The following EPHX2 variants were observed in gnomAD, a reference collection of about 807,000 sequenced individuals.
The protein encoded by EPHX2 is bifunctional epoxide hydrolase 2.
In EPHX2, 74 loss-of-function variants were observed where a neutral mutation model predicts 78.7. That is an observed-to-expected ratio of 0.94 (90% confidence interval 0.78 to 1.14). The LOEUF (loss-of-function observed/expected upper bound fraction) is 1.14, where lower values mean the gene tolerates loss of function less well. EPHX2 is among the 50% of genes most tolerant of loss of function. EPHX2 has a pLI of 0.00. For synonymous variants in EPHX2, 251 were observed against 255.2 expected (o/e 0.98, Z 0.16); for missense variants, 715 against 702.5 (o/e 1.02, Z -0.20).
chr8:27,539,571 G>A (rs2322722), intron 14 of EPHX2, among the ~76,000 whole-genome samples: 2 of 145,472 alleles, frequency 1.4e-5, no homozygotes, highest in African/African-American at 4.9e-5. Context: ...CCTTCACACC[G>A]TCTGTCACTC....
At chr8:27,531,176 G>A (rs1173234487) in intron 12 of EPHX2, among the ~76,000 whole-genome samples, 1 of 152,356 alleles carries the variant, frequency 6.6e-6, no homozygotes, top group African/African-American at 2.4e-5. Flanking sequence ...ATATGGAGGG[G>A]TTTGGAGTCT....
chr8:27,497,796 T>G, intron 1 of EPHX2, among the ~76,000 whole-genome samples: 1 of 152,198 alleles, frequency 6.6e-6, no homozygotes, highest in Non-Finnish European at 1.5e-5. Flanking sequence ...CATGGGCTTT[T>G]TCCTAATTCT....
chr8:27,513,189 G>C lies in EPHX2; in HGVS notation c.735+1279G>C, dbSNP rs571059402. Among the ~76,000 whole-genome samples, 21 of 152,298 alleles carry C rather than the reference G, an allele frequency of 1.4e-4. 1 individual carries two copies. The highest frequency in any genetic ancestry group is 5.1e-4 in the African/African-American group (21 of 41,548). On this transcript the variant is annotated intron_variant, in intron 6 of 18. Transcript: ENST00000521400. ...TGGAGGCAGCCACCACAAATGTAAA[G>C]TGGGCATCCAGGCACGAGTGGGTTT...
At chr8:27,527,208 C>T (rs185579307) in intron 12 of EPHX2, among the ~76,000 whole-genome samples, 6 of 152,216 alleles carry the variant, frequency 3.9e-5, no homozygotes, top group Admixed American at 1.3e-4. Flanking sequence ...CTGCCCGCCT[C>T]GGCCTCCCAA....
At chr8:27,497,037 A>G (rs897834097) in intron 1 of EPHX2, among the ~76,000 whole-genome samples, 3 of 152,232 alleles carry the variant, frequency 2.0e-5, no homozygotes, top group Non-Finnish European at 4.4e-5. Flanking sequence ...ATAGCTGGTT[A>G]CAGGCTGTCC....
At chr8:27,544,288 C>T (rs1269751981) in intron 18 of EPHX2, 44 bp downstream of exon 18, 2 of 1,609,788 alleles carry the variant, frequency 1.2e-6, no homozygotes, top group Non-Finnish European at 1.7e-6. Context: ...AGCAGGGCCC[C>T]CCGTTCACCT....
At chr8:27,514,121 C>T (rs1236554370) in intron 6 of EPHX2, among the ~76,000 whole-genome samples, 2 of 152,056 alleles carry the variant, frequency 1.3e-5, no homozygotes, top group Non-Finnish European at 2.9e-5. Context: ...AGTTCGAGAC[C>T]AGCCTGGGCA....
intron 9 of EPHX2, among the ~76,000 whole-genome samples, chr8:27,520,209 AG>A (rs1814598478): frequency 6.6e-6 from 1 of 150,774 alleles, no homozygotes. Context: ...TCTGTTGCCC[AG>A]GCTAGAGTGC....
intron 14 of EPHX2, among the ~76,000 whole-genome samples, chr8:27,539,678 G>A (rs1043603597): frequency 6.6e-6 from 1 of 152,206 alleles, no homozygotes; most frequent in Non-Finnish European, 1.5e-5. Flanking sequence ...CACGAAGCAG[G>A]GTGGCCACCC....
intron 12 of EPHX2, 35 bp from the exon 13 acceptor site, chr8:27,536,749 G>C: frequency 6.2e-7 from 1 of 1,612,494 alleles, no homozygotes; most frequent in Non-Finnish European, 8.5e-7. Context: ...ACGATTTCTA[G>C]GGGGTCCTTC....
At chr8:27,529,921 C>G (rs1814975973) in intron 12 of EPHX2, among the ~76,000 whole-genome samples, 1 of 151,696 alleles carries the variant, frequency 6.6e-6, no homozygotes, top group Admixed American at 6.6e-5. Context: ...AAAAAAGAGC[C>G]CTTTTATTTA....
intron 8 of EPHX2, 112 bp downstream of exon 8, chr8:27,516,510 G>A (rs1443328897): frequency 9.8e-7 from 1 of 1,018,102 alleles, no homozygotes; most frequent in Non-Finnish European, 1.5e-6. Flanking sequence ...TTCCCCTTAA[G>A]AGAGTCTGAC....
At chr8:27,498,904 A>G (rs965972784) in intron 1 of EPHX2, among the ~76,000 whole-genome samples, 6 of 152,218 alleles carry the variant, frequency 3.9e-5, no homozygotes, top group African/African-American at 1.4e-4. Context: ...TCTGTTGCTT[A>G]CAACAGGATA....
At chr8:27,539,163 G>C (rs1311200507) in intron 14 of EPHX2, 1 of 159,120 alleles carries the variant, frequency 6.3e-6, no homozygotes, top group Non-Finnish European at 1.4e-5. Context: ...TATGAGTGAA[G>C]GGTCAGAGTT....
chr8:27,543,208 G>A (rs1044032594), intron 16 of EPHX2, among the ~76,000 whole-genome samples: 3 of 152,056 alleles, frequency 2.0e-5, no homozygotes, highest in Non-Finnish European at 4.4e-5. Context: ...TCCTCAACCA[G>A]GGATGGGTCA....
chr8:27,544,216 G>A lies in EPHX2; in HGVS notation c.1561G>A (p.Asp521Asn). The change falls in exon 18 of 19, where the codon GAC becomes AAC. Residue 521 changes from aspartate (D) to asparagine (N), a missense_variant. Transcript: ENST00000521400. ...CCACCTGAAAAGGGGACACATTGAG[G>A]ACTGTGGGCACTGGACACAGATGGA... is the stretch of plus-strand genomic sequence containing the variant. ...IPHLKRGHIE[D>N]CGHWTQMDKP... 1 of 1,614,198 alleles carries A rather than the reference G, an allele frequency of 6.2e-7. No homozygotes were observed. Among genetic ancestry groups the A allele is most frequent in the Non-Finnish European group, 8.5e-7 (1 of 1,180,032 alleles).
intron 12 of EPHX2, among the ~76,000 whole-genome samples, chr8:27,529,914 A>G (rs1814975417): frequency 6.6e-6 from 1 of 152,024 alleles, no homozygotes; most frequent in Admixed American, 6.5e-5. Context: ...GAAAAAGAAA[A>G]AAGAGCCCTT....
chr8:27,543,973 C>T, intron 17 of EPHX2, 144 bp downstream of exon 17: 1 of 989,838 alleles, frequency 1.0e-6, no homozygotes, highest in East Asian at 2.5e-5. Context: ...ATCACTGTCC[C>T]CCCATTGCAA....
At chr8:27,513,777 C>A (rs1286957564) in intron 6 of EPHX2, among the ~76,000 whole-genome samples, 1 of 152,174 alleles carries the variant, frequency 6.6e-6, no homozygotes, top group African/African-American at 2.4e-5. Flanking sequence ...GATGATAAAG[C>A]TCAAGAGTGA....
Sources: gnomAD v4.1 joint callset for allele counts (sites outside exome capture counted in the v4.1 genomes callset) on GRCh38, gnomAD v4.1.1 for gene constraint, MANE v1.5 for transcripts, NCBI Gene and HGNC (gene_info 2026-07-23, HGNC 2026-07-21) for gene names.